Variants in OLFM1 observed in about 807,000 individuals in gnomAD.
OLFM1 encodes olfactomedin 1.
Under a neutral mutation model 49.7 loss-of-function variants are expected in OLFM1, and 9 were observed. The observed-to-expected ratio is 0.18, with a 90% CI of 0.11 to 0.32. The LOEUF (loss-of-function observed/expected upper bound fraction) is 0.32, where lower values mean the gene tolerates loss of function less well. OLFM1 is among the 10% of genes least tolerant of loss of function. OLFM1 has a pLI of 1.00. For missense variants in OLFM1, 369 were observed against 661.8 expected, an observed-to-expected ratio of 0.56 and a Z score of 4.85; for synonymous variants, 240 against 271.8, an observed-to-expected ratio of 0.88 and a Z score of 1.15.
In OLFM1 at chr9:135,080,924, C is replaced by T. The variant is rs1007791416; in HGVS notation, c.96+5122C>T. Among the ~76,000 whole-genome samples the T allele has an allele frequency of 6.6e-6, 1 of 151,546 alleles. No homozygotes were observed. The highest frequency in any genetic ancestry group is 2.4e-5 in the African/African-American group (1 of 41,276). On this transcript the variant is annotated intron_variant, in intron 1 of 5. Transcript: ENST00000252854. The surrounding 1 kb of genome is among the most constrained non-coding windows in gnomAD (Gnocchi z 4.5). ...GAACAGGAAGTAAAAATGCACACCT[C>T]TGAGTTTTTTTAGATTATTAAAATA...
intron 2 of OLFM1, 62 bp downstream of exon 2, chr9:135,090,406 G>A (rs2119102806): frequency 1.3e-6 from 2 of 1,512,754 alleles, no homozygotes; most frequent in Non-Finnish European, 1.8e-6. Flanking sequence ...GTGTGTGTGT[G>A]TACATGCCTG....
intron 1 of OLFM1, chr9:135,075,813 C>A: frequency 1.3e-6 from 2 of 1,597,072 alleles, no homozygotes; most frequent in Non-Finnish European, 8.5e-7. Flanking sequence ...GTACGTGCAT[C>A]CAACGCCATT....
chr9:135,112,557 C>T (rs1422657670), intron 5 of OLFM1, among the ~76,000 whole-genome samples: 1 of 152,144 alleles, frequency 6.6e-6, no homozygotes, highest in East Asian at 1.9e-4. Flanking sequence ...CTCTGTGTAG[C>T]CAAGACCTGG....
chr9:135,105,310 T>G (rs1462074164), intron 4 of OLFM1, among the ~76,000 whole-genome samples: 1 of 152,198 alleles, frequency 6.6e-6, no homozygotes, highest in Non-Finnish European at 1.5e-5. Context: ...CCCGACTCGA[T>G]GGGAATTTGG....
At chr9:135,099,659 T>C (rs1168009106) in intron 4 of OLFM1, among the ~76,000 whole-genome samples, 1 of 152,156 alleles carries the variant, frequency 6.6e-6, no homozygotes, top group Non-Finnish European at 1.5e-5. Context: ...ACAGAGACAA[T>C]AAGAAATGCT....
intron 1 of OLFM1, among the ~76,000 whole-genome samples, chr9:135,078,302 G>A (rs1588199446): frequency 1.3e-5 from 2 of 152,176 alleles, no homozygotes; most frequent in African/African-American, 4.8e-5. Context: ...ATGGACATGC[G>A]ATTCTAGGGC....
At chr9:135,109,227 G>A (rs1291195558) in intron 5 of OLFM1, among the ~76,000 whole-genome samples, 5 of 152,184 alleles carry the variant, frequency 3.3e-5, no homozygotes, top group Non-Finnish European at 7.3e-5. Flanking sequence ...TTCCTTTGTC[G>A]TAGGGAGCAC....
Position 135,119,721 on chromosome 9 carries a change from G to T in OLFM1, c.1001G>T (p.Arg334Leu). 2 of 1,614,066 alleles carry T rather than the reference G, an allele frequency of 1.2e-6. No homozygotes were observed. The highest frequency in any genetic ancestry group is 1.7e-6 in the Non-Finnish European group (2 of 1,180,038). ...DLKTETILKT[R>L]SLDYAGYNNM... ...AAGACAGAGACCATCCTCAAGACCC[G>T]CAGCCTGGACTATGCCGGTTACAAC... is the stretch of plus-strand genomic sequence containing the variant. The change falls in exon 6 of 6, where the codon CGC (arginine) becomes CTC (leucine). Residue 334 changes from arginine (R) to leucine (L), a missense_variant. Around this residue, in one of 3 missense-constraint regions of OLFM1, gnomAD observed 294 missense variants for 567.5 expected, o/e 0.52. Transcript: ENST00000371793.
At chr9:135,075,631 C>A in exon 1 of OLFM1, 2 of 1,042,746 alleles carry the variant, frequency 1.9e-6, no homozygotes, top group Non-Finnish European at 2.6e-6. Flanking sequence ...GCCGCCGGAG[C>A]CAGCGGAGCC....
chr9:135,084,454 CTG>C (rs1554752138), upstream of OLFM1, among the ~76,000 whole-genome samples: 2 of 146,724 alleles, frequency 1.4e-5, no homozygotes, highest in African/African-American at 2.6e-5. This position sits in a 1 kb window ranked among gnomAD's most constrained non-coding sequence, Gnocchi z 4.6. Context: ...TCTCTCCTCT[CTG>C]TCTCTCTTCT....
chr9:135,080,338 G>A lies in OLFM1; in HGVS notation c.96+4536G>A, dbSNP rs1410117297. Among the ~76,000 whole-genome samples, 5 of 152,164 alleles carry A rather than the reference G, an allele frequency of 3.3e-5. No individual in the cohort carries two copies. The highest frequency in any genetic ancestry group is 2.1e-4 in the South Asian group (1 of 4,822). ...GTTTGTAGAAGGGGATGGAGTGCAC[G>A]GGTAGGGGGAAGAGTTCAGGTGAAA... On this transcript the variant is annotated intron_variant, in intron 1 of 5. Coordinates refer to the OLFM1 transcript ENST00000252854. The surrounding 1 kb of genome is among the most constrained non-coding windows in gnomAD (Gnocchi z 4.5).
intron 2 of OLFM1, among the ~76,000 whole-genome samples, chr9:135,093,225 A>G (rs1266750846): frequency 6.6e-6 from 1 of 152,196 alleles, no homozygotes; most frequent in Non-Finnish European, 1.5e-5. Context: ...AGGTAGTTCC[A>G]TGCAGCTAGG....
rs1334681767 is a variant in OLFM1 at position 135,120,084 on chromosome 9, A to G, written c.1364A>G (p.Asn455Ser). 2 of 1,613,906 alleles carry G rather than the reference A, an allele frequency of 1.2e-6. No homozygotes were observed. The highest frequency in any genetic ancestry group is 1.7e-6 in the Non-Finnish European group (2 of 1,179,982). ...TCCCACATCTCCATGCTGGACTACA[A>G]CCCCAAGGACCGGGCCCTGTATGCC... ...KYSHISMLDY[N>S]PKDRALYAWN... is the part of the protein sequence containing the mutation. The change falls in exon 6 of 6, where the codon AAC becomes AGC. Residue 455 changes from asparagine (N) to serine (S), a missense_variant. Coordinates refer to ENST00000371793, the MANE Select transcript of OLFM1 (RefSeq NM_001282611.2).
chr9:135,084,019 G>A (rs1285641918), upstream of OLFM1, among the ~76,000 whole-genome samples: 1 of 152,244 alleles, frequency 6.6e-6, no homozygotes, highest in Non-Finnish European at 1.5e-5. The surrounding 1 kb of genome is among the most constrained non-coding windows in gnomAD (Gnocchi z 4.6). Flanking sequence ...GTGAGGAGCA[G>A]TTACGCCTCC....
At chr9:135,090,099 A>T in intron 1 of OLFM1, 96 bp from the exon 2 acceptor site, 1 of 1,137,888 alleles carries the variant, frequency 8.8e-7, no homozygotes, top group Non-Finnish European at 1.2e-6. Context: ...TTGGGGGTGG[A>T]TGTGGACAGT....
At chr9:135,089,567 G>A (rs923752650) in intron 1 of OLFM1, among the ~76,000 whole-genome samples, 1 of 152,348 alleles carries the variant, frequency 6.6e-6, no homozygotes, top group Middle Eastern at 3.4e-3. Flanking sequence ...CTCGTGGGGG[G>A]AGCCCACAAG....
rs780860119 is a variant in OLFM1 at position 135,120,031 on chromosome 9, C to T, written c.1311C>T (p.Tyr437=). ...AGACCAATGCCTCCACCTATGAATA[C>T]ATCGACATCCCATTCCAGAACAAAT... ...AYQTNASTYE[Y]IDIPFQNKYS... Residue 437 remains tyrosine (Y), a synonymous_variant, in exon 6 of 6, where the codon TAC becomes TAT. Coordinates refer to ENST00000371793, the MANE Select transcript of OLFM1 (RefSeq NM_001282611.2). 26 of 1,614,032 alleles carry T rather than the reference C, an allele frequency of 1.6e-5. No homozygotes were observed. In the East Asian group the frequency reaches 4.7e-4, roughly 29 times the overall value.
intron 4 of OLFM1, among the ~76,000 whole-genome samples, chr9:135,102,348 C>G (rs982458408): frequency 6.6e-6 from 1 of 152,222 alleles, no homozygotes; most frequent in Non-Finnish European, 1.5e-5. Context: ...GCCACTGTCA[C>G]CAGCACACAT....
At chr9:135,110,630 A>G (rs1831008249) in intron 5 of OLFM1, among the ~76,000 whole-genome samples, 1 of 152,166 alleles carries the variant, frequency 6.6e-6, no homozygotes, top group Non-Finnish European at 1.5e-5. Context: ...TGCAATAAAC[A>G]TCAACGCCCC....
Sources: gnomAD v4.1 joint callset for allele counts (sites outside exome capture counted in the v4.1 genomes callset) on GRCh38, gnomAD v4.1.1 for gene constraint, gnomAD v4.1.1 regional missense constraint, Gnocchi (gnomAD v3.1) non-coding constraint, MANE v1.5 for transcripts, NCBI Gene and HGNC (gene_info 2026-07-23, HGNC 2026-07-21) for gene names.